SLC44A1: variants seen among roughly 807,000 people sequenced by gnomAD.
SLC44A1 encodes choline transporter-like protein 1.
In SLC44A1, 26 loss-of-function variants were observed where a neutral mutation model predicts 79.3. The observed-to-expected ratio is 0.33, with a 90% confidence interval of 0.24 to 0.46. SLC44A1 has a LOEUF of 0.46. SLC44A1 is among the 20% of genes least tolerant of loss of function. The pLI is 1.00. For synonymous variants in SLC44A1, 263 were observed against 286.2 expected (o/e 0.92, Z 0.82); for missense variants, 688 against 798.1 (o/e 0.86, Z 1.66).
In SLC44A1 at chr9:105,389,761, G is replaced by T; in HGVS notation, c.*705G>T. ...AAAAGAAAAGGGTAGATAATCTTTC[G>T]TATGCAAACTTTTCCCTTATATTTT... On this transcript the variant is annotated 3_prime_UTR_variant, in exon 16 of 16. Transcript: ENST00000374720. The T allele has an allele frequency of 7.7e-7, 1 of 1,302,544 alleles. No homozygotes were observed. The highest frequency in any genetic ancestry group is 9.8e-7 in the Non-Finnish European group (1 of 1,020,216). 80.7% of individuals were successfully genotyped at this position (1,302,544 alleles called of 1,614,324 possible). A position where few individuals can be genotyped will look rare whatever the true frequency, so the allele number is the denominator to read the frequency against.
chr9:105,292,771 T>C (rs79696712), intron 1 of SLC44A1, among the ~76,000 whole-genome samples: 3,176 of 152,318 alleles, frequency 0.021, 111 homozygotes, highest in African/African-American at 0.072. Flanking sequence ...GTACTTGGTT[T>C]GTCTCTTTCC....
intron 7 of SLC44A1, among the ~76,000 whole-genome samples, chr9:105,360,756 G>A (rs1413762686): frequency 6.6e-6 from 1 of 152,194 alleles, no homozygotes; most frequent in African/African-American, 2.4e-5. Flanking sequence ...AAGTCACAGA[G>A]GTATCTGTGA....
rs563241065 is a variant in SLC44A1 at position 105,386,482 on chromosome 9, T to C, written c.1950+980T>C. 1,775 of 974,116 alleles carry C rather than the reference T, an allele frequency of 1.8e-3. 3 individuals are homozygous for C. Among genetic ancestry groups the C allele is most frequent in the Admixed American group, 2.2e-3 (35 of 16,274 alleles). 60.3% of individuals were successfully genotyped at this position (974,116 alleles called of 1,614,324 possible). On this transcript the variant is annotated intron_variant, in intron 15 of 15. Coordinates refer to ENST00000374720, the MANE Select transcript of SLC44A1 (RefSeq NM_080546.5). ...ACACTTTAGTAAATGATTTGATTTA[T>C]AGCAAGTTTGTCCAACTTGCTGCCT...
At chr9:105,312,823 TATC>T (rs941176571) in intron 3 of SLC44A1, among the ~76,000 whole-genome samples, 9 of 152,138 alleles carry the variant, frequency 5.9e-5, no homozygotes, top group African/African-American at 1.9e-4. Flanking sequence ...TGTGCTAGCG[TATC>T]TATTCTTGGT....
intron 1 of SLC44A1, among the ~76,000 whole-genome samples, chr9:105,277,907 T>A (rs988192038): frequency 1.2e-4 from 18 of 152,356 alleles, no homozygotes; most frequent in Non-Finnish European, 2.6e-4. Context: ...TCTGTGTAGC[T>A]GTAAACCCTG....
Position 105,389,169 on chromosome 9 carries a change from G to A in SLC44A1, c.*113G>A, listed in dbSNP as rs553866312. Reference sequence around the variant, plus strand: ...TATGTATATGTATGTGTGTATATATGTATATGTATATACACACACACACAT... The same window carrying A: ...TATGTATATGTATGTGTGTATATATATATATGTATATACACACACACACAT... On this transcript the variant is annotated 3_prime_UTR_variant, in exon 16 of 16. Transcript: ENST00000374720. The A allele has an allele frequency of 8.0e-5, 117 of 1,456,304 alleles. No homozygotes were observed. In the African/African-American group the frequency reaches 1.4e-3, roughly 17 times the overall value. 90.2% of individuals were successfully genotyped at this position (1,456,304 alleles called of 1,614,324 possible). A position where few individuals can be genotyped will look rare whatever the true frequency, so the allele number is the denominator to read the frequency against.
chr9:105,297,372 A>C (rs531008077), intron 1 of SLC44A1, among the ~76,000 whole-genome samples: 10 of 152,214 alleles, frequency 6.6e-5, no homozygotes, highest in African/African-American at 2.4e-4. Flanking sequence ...ATGTGAATAT[A>C]TGCTTACTTT....
intron 1 of SLC44A1, among the ~76,000 whole-genome samples, chr9:105,280,085 C>T (rs1416305126): frequency 6.6e-6 from 1 of 152,148 alleles, no homozygotes. Context: ...AATACAAAAA[C>T]TAGAATATTG....
intron 4 of SLC44A1, among the ~76,000 whole-genome samples, chr9:105,341,360 AAATAAT>A (rs901329156): frequency 3.6e-4 from 55 of 151,494 alleles, no homozygotes; most frequent in African/African-American, 1.2e-3. Context: ...AAGAAAAAGA[AAATAAT>A]AATAATAATA....
chr9:105,337,060 T>A (rs1352642909), intron 4 of SLC44A1, among the ~76,000 whole-genome samples: 1 of 152,232 alleles, frequency 6.6e-6, no homozygotes, highest in Non-Finnish European at 1.5e-5. Flanking sequence ...GATCTCATTT[T>A]TTATTCCCAT....
intron 12 of SLC44A1, among the ~76,000 whole-genome samples, chr9:105,367,080 A>G (rs1411348016): frequency 1.3e-5 from 2 of 152,042 alleles, no homozygotes; most frequent in African/African-American, 2.4e-5. Flanking sequence ...TTAGTCCTCT[A>G]TCTTTCTATA....
intron 13 of SLC44A1, among the ~76,000 whole-genome samples, chr9:105,381,189 A>C (rs539476221): frequency 1.3e-5 from 2 of 152,112 alleles, no homozygotes; most frequent in Admixed American, 1.3e-4. Flanking sequence ...AATGTGCAAG[A>C]TTTGGAGAGT....
intron 15 of SLC44A1, among the ~76,000 whole-genome samples, chr9:105,415,450 A>G (rs1231147908): frequency 1.3e-5 from 2 of 152,236 alleles, no homozygotes; most frequent in Non-Finnish European, 2.9e-5. Context: ...AACTATGGAC[A>G]CGCATGCTGT....
chr9:105,366,859 G>T (rs1386173649), intron 12 of SLC44A1, among the ~76,000 whole-genome samples: 1 of 151,248 alleles, frequency 6.6e-6, no homozygotes, highest in Non-Finnish European at 1.5e-5. Context: ...GAAAACTTCA[G>T]TGTAAAGCTG....
At chr9:105,293,359 G>A (rs1773015725) in intron 1 of SLC44A1, among the ~76,000 whole-genome samples, 1 of 152,164 alleles carries the variant, frequency 6.6e-6, no homozygotes, top group African/African-American at 2.4e-5. Context: ...CATACAGGCA[G>A]TAAGCACAGA....
At chr9:105,377,950 T>TCAACC (rs1358765109) in intron 13 of SLC44A1, among the ~76,000 whole-genome samples, 6 of 151,456 alleles carry the variant, frequency 4.0e-5, no homozygotes, top group African/African-American at 1.5e-4. Context: ...TACATAGAAT[T>TCAACC]TAAAATCTAG....
chr9:105,413,435 C>G (rs1294828892), intron 15 of SLC44A1, among the ~76,000 whole-genome samples: 1 of 152,204 alleles, frequency 6.6e-6, no homozygotes, highest in African/African-American at 2.4e-5. Context: ...TTTTCCCCTT[C>G]TCTGGCCTGT....
chr9:105,407,560 C>T (rs1829044128), intron 15 of SLC44A1, among the ~76,000 whole-genome samples: 2 of 152,098 alleles, frequency 1.3e-5, no homozygotes, highest in Admixed American at 1.3e-4. Flanking sequence ...TAAAATTCTC[C>T]ACCAAAACTG....
In SLC44A1 at chr9:105,351,003, G is replaced by A. The variant is rs181180499; in HGVS notation, c.500+2552G>A. The stretch of plus-strand genomic sequence containing the variant: ...TTTTAAAAACAAATGCCTAGAAAGA[G>A]TTGTATTTTATCCAAATTCATAACT... On this transcript the variant is annotated intron_variant, in intron 5 of 15. Coordinates refer to ENST00000374720, the MANE Select transcript of SLC44A1 (RefSeq NM_080546.5). 1.2e-4 allele frequency among the ~76,000 whole-genome samples: 18 copies of A among 152,326 alleles called. No individual in the cohort carries two copies. In the East Asian group the frequency reaches 3.1e-3, roughly 26 times the overall value.
Sources: allele counts gnomAD v4.1 joint callset (sites outside exome capture counted in the v4.1 genomes callset), GRCh38; gene constraint gnomAD v4.1.1; transcripts MANE v1.5; gene names NCBI Gene and HGNC (gene_info 2026-07-23, HGNC 2026-07-21).